CCDC102B: variants seen among roughly 807,000 people sequenced by gnomAD.
CCDC102B encodes the protein coiled-coil domain-containing protein 102B.
CCDC102B carries 75 observed loss-of-function variants against 57.4 expected under a neutral mutation model. The ratio of observed to expected loss-of-function variants is 1.31; its 90% CI spans 1.08 to 1.58. The LOEUF (loss-of-function observed/expected upper bound fraction) is 1.58, where lower values mean the gene tolerates loss of function less well. Ranked by LOEUF, CCDC102B falls within the 40% of genes most tolerant of loss-of-function variation. The probability of loss-of-function intolerance (pLI) is 0.00; values close to 1 mark genes in which losing one functional copy is unlikely to be tolerated. For synonymous variants in CCDC102B, 206 were observed against 201.9 expected (o/e 1.02, Z -0.17); for missense variants, 636 against 582.6 (o/e 1.09, Z -0.94).
At chr18:68,829,645 C>T (rs940893237) in intron 1 of CCDC102B, among the ~76,000 whole-genome samples, 2 of 152,066 alleles carry the variant, frequency 1.3e-5, no homozygotes, top group South Asian at 2.1e-4. Flanking sequence ...GAAAATATTA[C>T]CGCATTTCAC....
Position 68,837,092 on chromosome 18 carries a change from G to T in CCDC102B, c.329G>T (p.Arg110Leu). The change falls in exon 2 of 8, where the codon CGA becomes CTA. Residue 110 changes from arginine (R) to leucine (L), a missense_variant. Physicochemically the swap from Arg to Leu is moderately radical, Grantham distance 102. Coordinates refer to ENST00000360242, the MANE Select transcript of CCDC102B (RefSeq NM_024781.3). ...TGGAGAGAAAAATGGAGTAAAGTTC[G>T]AGCTGAAAGGAACAGTGCCAGGGAG... The part of the protein sequence containing the change: ...ANWREKWSKV[R>L]AERNSAREEG... 1 of 1,614,146 alleles carries T rather than the reference G, an allele frequency of 6.2e-7. No individual in the cohort carries two copies. Among genetic ancestry groups the T allele is most frequent in the Non-Finnish European group, 8.5e-7 (1 of 1,180,026 alleles).
intron 2 of CCDC102B, among the ~76,000 whole-genome samples, chr18:68,747,202 T>C (rs938149908): frequency 2.6e-5 from 4 of 152,082 alleles, no homozygotes; most frequent in African/African-American, 9.7e-5. Flanking sequence ...TAAGTCTGTA[T>C]CCATTAACCA....
At position 68,788,014 on chromosome 18, in the gene CCDC102B, T is replaced by G. The variant is rs907826202; in HGVS notation, c.-66-35352T>G. 3.1e-3 allele frequency among the ~76,000 whole-genome samples: 472 copies of G among 151,072 alleles called. 2 individuals carry two copies. Among genetic ancestry groups the G allele is most frequent in the Non-Finnish European group, 5.0e-3 (337 of 67,436 alleles). On this transcript the variant is annotated intron_variant, in intron 2 of 3. Transcript: ENST00000578970. ...CACTGCTTTGAATGCGTCCCAGAGA[T>G]TCTGGTATGTTGTGTCTTTGTTCTC...
chr18:68,801,273 CCTGA>C (rs1220934376), intron 1 of CCDC102B, among the ~76,000 whole-genome samples: 5 of 152,158 alleles, frequency 3.3e-5, no homozygotes, highest in Admixed American at 1.3e-4. Flanking sequence ...TCCTCAGTGC[CCTGA>C]CTAATTGTAG....
intron 6 of CCDC102B, among the ~76,000 whole-genome samples, chr18:68,904,872 A>T (rs1249464334): frequency 2.0e-5 from 3 of 152,170 alleles, no homozygotes; most frequent in South Asian, 4.1e-4. Context: ...TTTTACTTTC[A>T]TATTCTCTTA....
At chr18:68,927,102 C>T (rs1328575780) in intron 6 of CCDC102B, among the ~76,000 whole-genome samples, 1 of 151,848 alleles carries the variant, frequency 6.6e-6, no homozygotes, top group African/African-American at 2.4e-5. Flanking sequence ...ATGGAGTAAG[C>T]ATGTGTAACG....
chr18:68,845,358 G>A (rs112508457), intron 3 of CCDC102B, among the ~76,000 whole-genome samples: 8 of 151,734 alleles, frequency 5.3e-5, no homozygotes, highest in African/African-American at 1.9e-4. Flanking sequence ...TATGAATACA[G>A]TAAGTATGTA....
chr18:69,014,701 G>GTT (rs552044080), intron 7 of CCDC102B, among the ~76,000 whole-genome samples: 4 of 151,096 alleles, frequency 2.6e-5, no homozygotes, highest in South Asian at 2.1e-4. Context: ...ATCACGAGGT[G>GTT]TTTTTTTTGT....
At position 68,846,299 on chromosome 18, in the gene CCDC102B, C is replaced by T. The variant is rs1281233000; in HGVS notation, c.828-14C>T. ...GAAGCCGACTTTTTTTCTTTTAATT[C>T]TTAAATTATTTAGAATGCGCACAGC... On this transcript the variant is annotated splice_polypyrimidine_tract_variant and intron_variant, in intron 3 of 7. Coordinates refer to ENST00000360242, the MANE Select transcript of CCDC102B (RefSeq NM_024781.3). 6.9e-7 allele frequency: 1 copy of T among 1,444,096 alleles called. No homozygotes were observed. Among genetic ancestry groups the T allele is most frequent in the East Asian group, 2.6e-5 (1 of 37,886 alleles). The allele number at this position is 1,444,096 out of a possible 1,614,324, so 89.5% of individuals were successfully genotyped here.
intron 6 of CCDC102B, among the ~76,000 whole-genome samples, chr18:68,929,450 G>A (rs751380267): frequency 2.0e-5 from 3 of 151,970 alleles, no homozygotes; most frequent in South Asian, 2.1e-4. Flanking sequence ...ACTGAGGAAA[G>A]ACAATGGCTT....
At chr18:68,870,111 C>T (rs1161192193) in intron 4 of CCDC102B, among the ~76,000 whole-genome samples, 6 of 152,048 alleles carry the variant, frequency 3.9e-5, no homozygotes, top group Non-Finnish European at 5.9e-5. Flanking sequence ...AACCAAACAC[C>T]GCTTGTTCTC....
At chr18:69,016,031 T>C (rs867652179) in intron 7 of CCDC102B, among the ~76,000 whole-genome samples, 110 of 149,956 alleles carry the variant, frequency 7.3e-4, no homozygotes, top group African/African-American at 2.6e-3. Flanking sequence ...ATTTTCTTTT[T>C]TTTTTTTTTT....
chr18:68,765,348 A>G (rs113055587), intron 2 of CCDC102B, among the ~76,000 whole-genome samples: 1 of 144,640 alleles, frequency 6.9e-6, no homozygotes, highest in Admixed American at 6.9e-5. Flanking sequence ...AAAGAAAGAA[A>G]GAAAGAAAGA....
At chr18:68,745,810 A>C (rs1332799246) in intron 2 of CCDC102B, among the ~76,000 whole-genome samples, 1 of 152,162 alleles carries the variant, frequency 6.6e-6, no homozygotes, top group African/African-American at 2.4e-5. Flanking sequence ...TTAAGCTTTC[A>C]CATGTGAGTG....
intron 6 of CCDC102B, among the ~76,000 whole-genome samples, chr18:68,943,247 A>T (rs2049438042): frequency 6.6e-6 from 1 of 152,078 alleles, no homozygotes; most frequent in Non-Finnish European, 1.5e-5. Context: ...GAGAGAGATT[A>T]CTGTTTATTT....
At chr18:68,934,790 A>G (rs2145150202) in intron 6 of CCDC102B, among the ~76,000 whole-genome samples, 1 of 152,030 alleles carries the variant, frequency 6.6e-6, no homozygotes, top group East Asian at 1.9e-4. Context: ...TAAAGCTTTA[A>G]ATGTCTCTCA....
intron 1 of CCDC102B, 72 bp from the exon 2 acceptor site, chr18:68,836,677 A>G (rs1346793123): frequency 6.0e-5 from 51 of 848,586 alleles, no homozygotes; most frequent in Non-Finnish European, 7.9e-5. Context: ...AAAAAAAAAA[A>G]AAGTGTAGGT....
chr18:68,855,178 T>C (rs560636613), intron 4 of CCDC102B, among the ~76,000 whole-genome samples: 3 of 152,286 alleles, frequency 2.0e-5, no homozygotes, highest in Non-Finnish European at 2.9e-5. Flanking sequence ...CATTGCAAGA[T>C]TGATACACAG....
intron 4 of CCDC102B, among the ~76,000 whole-genome samples, chr18:68,864,943 C>T (rs1411193695): frequency 1.3e-5 from 2 of 152,038 alleles, no homozygotes. Flanking sequence ...TTTCTTTTCT[C>T]TGCTTGTATT....
Sources: gnomAD v4.1 joint callset for allele counts (sites outside exome capture counted in the v4.1 genomes callset) on GRCh38, gnomAD v4.1.1 for gene constraint, MANE v1.5 for transcripts, NCBI Gene and HGNC (gene_info 2026-07-23, HGNC 2026-07-21) for gene names.